CTNND2: variants seen among roughly 807,000 people sequenced by gnomAD.
CTNND2 encodes catenin delta 2, also known as catenin delta-2.
A neutral mutation model predicts 144.4 loss-of-function variants in CTNND2; 22 were observed. The observed-to-expected ratio is 0.15, with a 90% CI of 0.11 to 0.22. The LOEUF is 0.22. CTNND2 is among the 10% of genes least tolerant of loss of function. The pLI, the probability that CTNND2 is intolerant of heterozygous loss-of-function variation, is 1.00. For synonymous variants in CTNND2, 751 were observed against 695.6 expected (o/e 1.08, Z -1.25); for missense variants, 1,353 against 1,618.8 (o/e 0.84, Z 2.82).
chr5:11,797,085 T>C (rs1791444272), intron 1 of CTNND2, among the ~76,000 whole-genome samples: 1 of 152,134 alleles, frequency 6.6e-6, no homozygotes, highest in East Asian at 1.9e-4. Flanking sequence ...ATCCCGAAAA[T>C]GGCAAAATTA....
Position 11,819,863 on chromosome 5 carries a change from AAC to A in CTNND2, c.37+83952_37+83953del, listed in dbSNP as rs751170309. ...AAACACAGGCCTCCACACTGCCTGC[AAC>A]AGTCTCAGAAGGTATGTTAGTGATT... On this transcript the variant is annotated intron_variant, in intron 1 of 21. Coordinates refer to ENST00000304623, the MANE Select transcript of CTNND2 (RefSeq NM_001332.4). Among the ~76,000 whole-genome samples, 143 of 152,254 alleles carry A rather than the reference AAC, an allele frequency of 9.4e-4. 1 individual carries two copies. The highest frequency in any genetic ancestry group is 6.8e-4 in the Non-Finnish European group (46 of 68,006).
At chr5:11,300,403 CT>C (rs1224898517) in intron 9 of CTNND2, among the ~76,000 whole-genome samples, 2 of 152,168 alleles carry the variant, frequency 1.3e-5, no homozygotes, top group Non-Finnish European at 2.9e-5. Context: ...CCAGAAATGC[CT>C]ATCACTCAGG....
rs780862380 is a variant in CTNND2 at position 11,082,836 on chromosome 5, T to C, written c.2648A>G (p.Tyr883Cys). 4.3e-6 allele frequency: 7 copies of C among 1,614,010 alleles called. No individual in the cohort carries two copies. The highest frequency in any genetic ancestry group is 2.2e-5 in the East Asian group (1 of 44,872). The change falls in exon 16 of 22, where the codon TAT becomes TGT. Residue 883 changes from tyrosine (Y) to cysteine (C), a missense_variant. Physicochemically the swap from Tyr to Cys is radical, Grantham distance 194. This residue lies in a region of CTNND2 where 459 missense variants were observed against 674.3 expected (regional missense o/e 0.68). Transcript: ENST00000304623. ...CTCTTTTCGGACAGCGGCTCGGATA[T>C]ATACTGACCACTGCAAAAACAGGGA... ...LAAGSWKWSV[Y>C]IRAAVRKEKG... is the part of the protein sequence containing the mutation.
At chr5:11,119,748 C>T (rs539003619) in intron 12 of CTNND2, among the ~76,000 whole-genome samples, 12 of 152,282 alleles carry the variant, frequency 7.9e-5, no homozygotes, top group South Asian at 6.2e-4. Flanking sequence ...CGCTCTTTAG[C>T]GTGGCAAGTT....
At chr5:11,075,872 G>GA (rs2149621428) in intron 16 of CTNND2, among the ~76,000 whole-genome samples, 1 of 152,340 alleles carries the variant, frequency 6.6e-6, no homozygotes, top group African/African-American at 2.4e-5. Context: ...GGACACCGTA[G>GA]AAAGAGACAG....
chr5:11,349,687 A>G (rs1755137988), intron 8 of CTNND2, among the ~76,000 whole-genome samples: 1 of 152,230 alleles, frequency 6.6e-6, no homozygotes. Flanking sequence ...CAACCTGAAT[A>G]TTATATTGAA....
intron 12 of CTNND2, among the ~76,000 whole-genome samples, chr5:11,136,794 C>T (rs928570126): frequency 3.3e-5 from 5 of 152,252 alleles, no homozygotes; most frequent in Non-Finnish European, 5.9e-5. Context: ...AGCACAAGTC[C>T]TCCAGTCCAG....
rs193222576 is a variant in CTNND2 at position 11,225,936 on chromosome 5, A to G, written c.1761+10755T>C. 2.7e-3 allele frequency among the ~76,000 whole-genome samples: 407 copies of G among 152,326 alleles called. 2 individuals are homozygous for G. The highest frequency in any genetic ancestry group is 4.8e-3 in the Non-Finnish European group (327 of 68,028). On this transcript the variant is annotated intron_variant, in intron 10 of 21. Coordinates refer to ENST00000304623, the MANE Select transcript of CTNND2 (RefSeq NM_001332.4). ...TAAGAAGAGGAGAAGAGATACAGAAAGAAACACGCCTAGAGGAGATGGCCA... is the reference window on the plus strand; with the variant it reads ...TAAGAAGAGGAGAAGAGATACAGAAGGAAACACGCCTAGAGGAGATGGCCA...
chr5:11,554,056 T>C (rs747427528), intron 3 of CTNND2, among the ~76,000 whole-genome samples: 9 of 152,206 alleles, frequency 5.9e-5, no homozygotes, highest in Non-Finnish European at 1.0e-4. Flanking sequence ...GCTGACTATT[T>C]ATTATTCTCA....
At chr5:11,047,838 C>G (rs1374124052) in intron 16 of CTNND2, among the ~76,000 whole-genome samples, 4 of 152,158 alleles carry the variant, frequency 2.6e-5, no homozygotes, top group African/African-American at 9.6e-5. Flanking sequence ...GTGTTCCTAG[C>G]AGGTGACCCT....
chr5:11,366,807 G>A (rs1443285588), intron 7 of CTNND2, among the ~76,000 whole-genome samples: 2 of 151,996 alleles, frequency 1.3e-5, no homozygotes, highest in East Asian at 1.9e-4. Context: ...ATCCAATGAT[G>A]ACCAATGAGA....
intron 3 of CTNND2, among the ~76,000 whole-genome samples, chr5:11,478,978 C>T (rs1203962189): frequency 2.0e-5 from 3 of 151,968 alleles, no homozygotes; most frequent in African/African-American, 7.3e-5. Flanking sequence ...ATATTAAACA[C>T]CAGAGAGGAA....
chr5:11,556,174 T>G (rs1349425036), intron 3 of CTNND2, among the ~76,000 whole-genome samples: 1 of 152,086 alleles, frequency 6.6e-6, no homozygotes, highest in African/African-American at 2.4e-5. Flanking sequence ...CCAAAAGCAA[T>G]CTAACTTTTT....
intron 14 of CTNND2, among the ~76,000 whole-genome samples, chr5:11,103,812 C>T (rs78370591): frequency 0.024 from 3,724 of 152,112 alleles, 161 homozygotes; most frequent in African/African-American, 0.085. Context: ...CATAAAAGCC[C>T]CCTAATGAAT....
chr5:11,620,980 T>C (rs896407683), intron 2 of CTNND2, among the ~76,000 whole-genome samples: 6 of 152,168 alleles, frequency 3.9e-5, no homozygotes, highest in Non-Finnish European at 5.9e-5. Flanking sequence ...ACCCTGTCTG[T>C]CTCATGCCAG....
Position 11,194,220 on chromosome 5 carries a change from C to A in CTNND2, c.1975+5228G>T, listed in dbSNP as rs919563654. On this transcript the variant is annotated intron_variant, in intron 11 of 21. Transcript: ENST00000304623. ...GAGGTGGCTAACTTTCCTGGTGGAA[C>A]ACTAGGAAAGATTTATACTCAAGAG... Among the ~76,000 whole-genome samples, 34 of 152,170 alleles carry A rather than the reference C, an allele frequency of 2.2e-4. 2 individuals carry two copies. The highest frequency in any genetic ancestry group is 2.0e-3 in the Admixed American group (31 of 15,286).
chr5:11,562,349 G>A (rs2530909), intron 3 of CTNND2, among the ~76,000 whole-genome samples: 54,582 of 151,862 alleles, frequency 0.36, 10,193 homozygotes, highest in African/African-American at 0.45. Context: ...TGCTAACTAG[G>A]TTAGTCTATC....
chr5:11,213,323 G>C (rs1738832884), intron 10 of CTNND2, among the ~76,000 whole-genome samples: 1 of 152,088 alleles, frequency 6.6e-6, no homozygotes, highest in Non-Finnish European at 1.5e-5. Flanking sequence ...GCTCCCCGGA[G>C]CTCCCCGAGG....
intron 9 of CTNND2, among the ~76,000 whole-genome samples, chr5:11,253,626 A>T (rs773036054): frequency 3.9e-5 from 6 of 152,198 alleles, no homozygotes; most frequent in Admixed American, 1.3e-4. Flanking sequence ...TAAATTACCC[A>T]GTCTTGGGTA....
Sources: allele counts gnomAD v4.1 joint callset (sites outside exome capture counted in the v4.1 genomes callset), GRCh38; gene constraint gnomAD v4.1.1; regional missense constraint gnomAD v4.1.1; transcripts MANE v1.5; gene names NCBI Gene and HGNC (gene_info 2026-07-23, HGNC 2026-07-21).